Variants in GPHN observed in about 807,000 individuals in gnomAD.
GPHN encodes gephyrin.
A neutral mutation model predicts 95.5 loss-of-function variants in GPHN; 17 were observed. The ratio of observed to expected loss-of-function variants is 0.18; its 90% CI spans 0.12 to 0.27. GPHN has a LOEUF of 0.27. Among genes scored for constraint, GPHN ranks in the 10% least tolerant of loss-of-function variants. GPHN has a pLI of 1.00. For synonymous variants in GPHN, 320 were observed against 322.5 expected (o/e 0.99, Z 0.08); for missense variants, 660 against 978.1 (o/e 0.67, Z 4.34).
intron 1 of GPHN, among the ~76,000 whole-genome samples, chr14:66,623,020 G>A (rs767216648): frequency 1.4e-4 from 22 of 152,088 alleles, no homozygotes; most frequent in Non-Finnish European, 3.1e-4. Context: ...TTTTCATGCT[G>A]CTGATAAAGA....
chr14:67,690,084 T>G, the GPHN span: 1 of 734,754 alleles, frequency 1.4e-6, no homozygotes, highest in East Asian at 2.7e-5. Flanking sequence ...TTACTAAAAC[T>G]GTACCCAATT....
the GPHN span, among the ~76,000 whole-genome samples, chr14:67,608,189 A>C: frequency 0.031 from 4,731 of 152,172 alleles, 225 homozygotes; most frequent in African/African-American, 0.11. Context: ...GGCTGCAGTG[A>C]GCCATGTTCA....
At chr14:66,794,540 T>C (rs1170863364) in intron 3 of GPHN, among the ~76,000 whole-genome samples, 3 of 152,296 alleles carry the variant, frequency 2.0e-5, no homozygotes, top group African/African-American at 7.2e-5. Flanking sequence ...AAATAAAATA[T>C]ATAATTAAAA....
At chr14:67,206,993 A>C in the GPHN span, among the ~76,000 whole-genome samples, 1 of 152,136 alleles carries the variant, frequency 6.6e-6, no homozygotes, top group Admixed American at 6.5e-5. Context: ...GCAAGCAAAA[A>C]TATTCTACCT....
At chr14:67,357,675 T>C in the GPHN span, among the ~76,000 whole-genome samples, 1 of 152,168 alleles carries the variant, frequency 6.6e-6, no homozygotes, top group Non-Finnish European at 1.5e-5. Context: ...AAACCACTGA[T>C]AGTAGGGGAA....
the GPHN span, among the ~76,000 whole-genome samples, chr14:67,230,807 C>A: frequency 6.6e-6 from 1 of 152,194 alleles, no homozygotes; most frequent in African/African-American, 2.4e-5. Flanking sequence ...AAAGTCCTCC[C>A]TTATCCACAG....
At chr14:67,031,808 T>A (rs760976756) in intron 10 of GPHN, among the ~76,000 whole-genome samples, 1 of 152,176 alleles carries the variant, frequency 6.6e-6, no homozygotes, top group Non-Finnish European at 1.5e-5. Flanking sequence ...CTTATTTCTC[T>A]TATTTTTCTC....
intron 21 of GPHN, among the ~76,000 whole-genome samples, chr14:67,173,949 G>A (rs10134592): frequency 0.37 from 55,817 of 151,896 alleles, 13,496 homozygotes; most frequent in African/African-American, 0.68. Flanking sequence ...GACTTTGTCA[G>A]GCCGAAGACT....
intron 5 of GPHN, among the ~76,000 whole-genome samples, chr14:66,900,754 A>G (rs1233189748): frequency 2.6e-5 from 4 of 152,036 alleles, no homozygotes; most frequent in African/African-American, 4.8e-5. Context: ...GTTCCATTGT[A>G]TATAGATACT....
intron 10 of GPHN, among the ~76,000 whole-genome samples, chr14:67,053,189 T>TTTG (rs2075389132): frequency 6.9e-6 from 1 of 143,992 alleles, no homozygotes. Context: ...TTTTTTTTTT[T>TTTG]GGAAAAAAAA....
At chr14:66,809,514 G>A (rs866104739) in intron 3 of GPHN, among the ~76,000 whole-genome samples, 6 of 152,026 alleles carry the variant, frequency 3.9e-5, no homozygotes, top group African/African-American at 1.4e-4. Context: ...ATTAATTCAG[G>A]GTTTTCACTT....
chr14:66,739,415 A>T (rs1239965167), intron 2 of GPHN, among the ~76,000 whole-genome samples: 3 of 150,990 alleles, frequency 2.0e-5, no homozygotes, highest in African/African-American at 7.3e-5. Context: ...ATGGGGTTTC[A>T]CTGTGTTAGC....
At chr14:67,619,973 G>T in the GPHN span, 1 of 1,581,650 alleles carries the variant, frequency 6.3e-7, no homozygotes, top group Middle Eastern at 1.7e-4. Context: ...TCAGTGCTGC[G>T]GATCATGTCC....
intron 4 of GPHN, chr14:66,842,776 G>A: frequency 1.6e-6 from 2 of 1,245,178 alleles, no homozygotes; most frequent in Admixed American, 2.3e-5. Context: ...TAGTGTTTTG[G>A]TTTCTTTTAT....
chr14:67,072,234 A>G (rs1261998152), intron 11 of GPHN, among the ~76,000 whole-genome samples: 1 of 152,178 alleles, frequency 6.6e-6, no homozygotes, highest in Non-Finnish European at 1.5e-5. Context: ...TGGCATAAAA[A>G]TACCTTATTC....
At position 67,134,953 on chromosome 14, in the gene GPHN, C is replaced by CTT. The variant is rs57933607; in HGVS notation, c.1749-8384_1749-8383dup. Among the ~76,000 whole-genome samples, 98 of 45,236 alleles carry CTT rather than the reference C, an allele frequency of 2.2e-3. 19 individuals are homozygous for CTT. The highest frequency in any genetic ancestry group is 6.8e-3 in the African/African-American group (66 of 9,734). The allele number at this position is 45,236 out of a possible 152,430, so 29.7% of individuals were successfully genotyped here. A position where few individuals can be genotyped will look rare whatever the true frequency, so the allele number is the denominator to read the frequency against. ...CTTTTTTTCTCTTTCTTTCTTTCTT[C>CTT]TTTTTTTTTTTTTTTTTTTTTTTTT... On this transcript the variant is annotated intron_variant, in intron 17 of 22. Transcript: ENST00000478722.
intron 1 of GPHN, among the ~76,000 whole-genome samples, chr14:66,590,337 C>A: frequency 6.7e-6 from 1 of 150,214 alleles, no homozygotes; most frequent in Middle Eastern, 3.4e-3. Context: ...GCTAGAGACA[C>A]AAAAATCCCT....
chr14:67,259,952 C>T, the GPHN span, among the ~76,000 whole-genome samples: 1 of 151,074 alleles, frequency 6.6e-6, no homozygotes, highest in Non-Finnish European at 1.5e-5. Flanking sequence ...CTTTAACTTT[C>T]TGTTTATTAT....
chr14:67,275,124 C>A, the GPHN span, among the ~76,000 whole-genome samples: 1 of 152,072 alleles, frequency 6.6e-6, no homozygotes, highest in Non-Finnish European at 1.5e-5. Context: ...TTTCTCCTGC[C>A]CGATTGCCTT....
Sources: allele counts gnomAD v4.1 joint callset (sites outside exome capture counted in the v4.1 genomes callset), GRCh38; gene constraint gnomAD v4.1.1; transcripts MANE v1.5; gene names NCBI Gene and HGNC (gene_info 2026-07-23, HGNC 2026-07-21).